The following LNP1 variants were observed in gnomAD, a reference collection of about 807,000 sequenced individuals.
LNP1 encodes the protein leukemia NUP98 fusion partner 1.
Under a neutral mutation model 14.5 loss-of-function variants are expected in LNP1, and 12 were observed. The observed-to-expected ratio is 0.83, with a 90% CI of 0.53 to 1.34. LNP1 has a LOEUF of 1.34. Ranked by LOEUF, LNP1 falls within the 40% of genes most tolerant of loss-of-function variation. The pLI is 0.00. For synonymous variants in LNP1, 75 were observed against 71.4 expected (o/e 1.05, Z -0.26); for missense variants, 198 against 210.9 (o/e 0.94, Z 0.38).
intron 1 of LNP1, among the ~76,000 whole-genome samples, chr3:100,409,557 T>TACACAC (rs35651277): frequency 7.4e-4 from 93 of 126,360 alleles, no homozygotes; most frequent in African/African-American, 1.3e-3. Context: ...TATATATACA[T>TACACAC]ACACACACAC....
intron 1 of LNP1, among the ~76,000 whole-genome samples, chr3:100,427,102 T>A (rs773443452): frequency 6.6e-6 from 1 of 152,028 alleles, no homozygotes; most frequent in Admixed American, 6.6e-5. Flanking sequence ...GGGGTATTAT[T>A]TCCCCCCTCC....
intron 2 of LNP1, among the ~76,000 whole-genome samples, chr3:100,430,586 T>C (rs1487725713): frequency 6.6e-6 from 1 of 152,242 alleles, no homozygotes; most frequent in Non-Finnish European, 1.5e-5. Flanking sequence ...TAGACATGTG[T>C]GTCCTGTGCT....
At chr3:100,406,769 A>G (rs1330658622) in intron 1 of LNP1, among the ~76,000 whole-genome samples, 1 of 152,038 alleles carries the variant, frequency 6.6e-6, no homozygotes, top group Non-Finnish European at 1.5e-5. Flanking sequence ...TCCTGGCCTC[A>G]TGATCCGCCT....
rs575782083 is a variant in LNP1, at chr3:100,412,985, T to A, written c.-34+10546T>A. 6.8e-4 allele frequency among the ~76,000 whole-genome samples: 103 copies of A among 152,326 alleles called. 1 individual carries two copies. Among genetic ancestry groups the A allele is most frequent in the African/African-American group, 2.3e-3 (94 of 41,586 alleles). On this transcript the variant is annotated intron_variant, in intron 1 of 3. Coordinates refer to ENST00000383693, the MANE Select transcript of LNP1 (RefSeq NM_001085451.2). Reference sequence around the variant, plus strand: ...TGTTGAACAAGTTTCTAACTGATATTGTTGTCAATATTAACAGTCTGGTAC... The same window carrying A: ...TGTTGAACAAGTTTCTAACTGATATAGTTGTCAATATTAACAGTCTGGTAC...
At chr3:100,452,204 T>TTC (rs1188343492) in intron 3 of LNP1, among the ~76,000 whole-genome samples, 2 of 144,228 alleles carry the variant, frequency 1.4e-5, no homozygotes, top group Non-Finnish European at 3.1e-5. Context: ...TTTTCTTTCT[T>TTC]TTTTTTTTTT....
chr3:100,416,312 A>G (rs1270333006), intron 1 of LNP1, among the ~76,000 whole-genome samples: 4 of 152,220 alleles, frequency 2.6e-5, no homozygotes, highest in Non-Finnish European at 1.5e-5. Flanking sequence ...GTTGTCATTC[A>G]TAGTTTCCTT....
chr3:100,429,927 G>C, intron 2 of LNP1, 42 bp downstream of exon 2: 1 of 1,575,830 alleles, frequency 6.3e-7, no homozygotes, highest in Non-Finnish European at 8.6e-7. Flanking sequence ...GCTGGAATAG[G>C]GGAGGGGGTT....
chr3:100,422,233 G>C (rs1707150309), intron 1 of LNP1, among the ~76,000 whole-genome samples: 1 of 147,636 alleles, frequency 6.8e-6, no homozygotes, highest in Non-Finnish European at 1.5e-5. Flanking sequence ...GCCCAGGCTG[G>C]AGTGAAGTGG....
rs115185206 is a variant in LNP1 at position 100,438,042 on chromosome 3, C to T, written c.156+8157C>T. Among the ~76,000 whole-genome samples, 915 of 152,266 alleles carry T rather than the reference C, an allele frequency of 6.0e-3. 8 individuals carry two copies. The highest frequency in any genetic ancestry group is 8.4e-3 in the Non-Finnish European group (569 of 68,008). ...TATTCTGAAGTTAGCTATCAAGGAC[C>T]TGGCCCCAGAGTGCCAGGTACATAC... On this transcript the variant is annotated intron_variant, in intron 2 of 3. Coordinates refer to ENST00000383693, the MANE Select transcript of LNP1 (RefSeq NM_001085451.2).
chr3:100,411,581 A>T (rs1326854872), intron 1 of LNP1, among the ~76,000 whole-genome samples: 1 of 152,232 alleles, frequency 6.6e-6, no homozygotes, highest in Non-Finnish European at 1.5e-5. Flanking sequence ...AAATTTGTTT[A>T]TCATGCTTCT....
intron 1 of LNP1, among the ~76,000 whole-genome samples, chr3:100,405,320 C>T (rs888254155): frequency 4.6e-5 from 7 of 152,176 alleles, no homozygotes; most frequent in Non-Finnish European, 1.0e-4. Flanking sequence ...CATTCTGACA[C>T]TTCTTAGTTC....
At chr3:100,443,014 A>G (rs538363299) in intron 2 of LNP1, among the ~76,000 whole-genome samples, 95 of 152,342 alleles carry the variant, frequency 6.2e-4, no homozygotes, top group African/African-American at 2.0e-3. Context: ...TATTGGTCAC[A>G]TTACTCTGAA....
intron 1 of LNP1, among the ~76,000 whole-genome samples, chr3:100,427,740 TG>T (rs1463066752): frequency 6.6e-6 from 1 of 152,134 alleles, no homozygotes; most frequent in Non-Finnish European, 1.5e-5. Context: ...AAAAGGCATA[TG>T]GGGTACAGTC....
intron 3 of LNP1, among the ~76,000 whole-genome samples, chr3:100,452,667 T>C (rs570927759): frequency 2.6e-5 from 4 of 152,214 alleles, no homozygotes; most frequent in African/African-American, 4.8e-5. Context: ...TGTTCTCCTA[T>C]ACTTAAAAAA....
intron 1 of LNP1, among the ~76,000 whole-genome samples, chr3:100,405,571 C>T (rs1399904442): frequency 6.6e-6 from 1 of 152,124 alleles, no homozygotes; most frequent in East Asian, 1.9e-4. Flanking sequence ...TTTGTGTCCT[C>T]AAATAGTGGA....
At chr3:100,431,020 A>G (rs561972805) in intron 2 of LNP1, among the ~76,000 whole-genome samples, 1 of 152,372 alleles carries the variant, frequency 6.6e-6, no homozygotes, top group East Asian at 1.9e-4. Context: ...GTTATAAAAT[A>G]AACACCTGCT....
intron 2 of LNP1, among the ~76,000 whole-genome samples, chr3:100,434,051 CAGA>C (rs1179435567): frequency 6.6e-6 from 1 of 152,180 alleles, no homozygotes; most frequent in Middle Eastern, 3.2e-3. Context: ...TTTTGCTGTG[CAGA>C]AGCTCTTTAG....
At chr3:100,404,862 G>A (rs1230506494) in intron 1 of LNP1, among the ~76,000 whole-genome samples, 1 of 145,056 alleles carries the variant, frequency 6.9e-6, no homozygotes, top group Non-Finnish European at 1.5e-5. Flanking sequence ...GTGTGATCTC[G>A]GCTTACTGCA....
At chr3:100,427,163 T>A (rs1415833331) in intron 1 of LNP1, among the ~76,000 whole-genome samples, 2 of 151,874 alleles carry the variant, frequency 1.3e-5, no homozygotes, top group African/African-American at 4.8e-5. Flanking sequence ...GGAACTGACT[T>A]AACAAAAACG....
Sources: allele counts gnomAD v4.1 joint callset (sites outside exome capture counted in the v4.1 genomes callset), GRCh38; gene constraint gnomAD v4.1.1; transcripts MANE v1.5; gene names NCBI Gene and HGNC (gene_info 2026-07-23, HGNC 2026-07-21).